DHX9: variants seen among roughly 807,000 people sequenced by gnomAD.
DHX9 encodes ATP-dependent RNA helicase A.
In DHX9, 27 loss-of-function variants were observed where a neutral mutation model predicts 148.7. That is an observed-to-expected ratio of 0.18 (90% CI 0.13 to 0.25). The LOEUF is 0.25. Among genes scored for constraint, DHX9 ranks in the 10% least tolerant of loss-of-function variants. The pLI is 1.00. For synonymous variants in DHX9, 529 were observed against 516.6 expected, an observed-to-expected ratio of 1.02 and a Z score of -0.33; for missense variants, 796 against 1,559.6, an observed-to-expected ratio of 0.51 and a Z score of 8.25.
At chr1:182,875,634 T>C (rs1215167331) in intron 16 of DHX9, among the ~76,000 whole-genome samples, 1 of 152,196 alleles carries the variant, frequency 6.6e-6, no homozygotes, top group Admixed American at 6.5e-5. Flanking sequence ...AATCAAAAGA[T>C]CTGAAGATGT....
intron 3 of DHX9, among the ~76,000 whole-genome samples, chr1:182,850,156 C>T (rs1668109047): frequency 6.6e-6 from 1 of 151,910 alleles, no homozygotes; most frequent in Non-Finnish European, 1.5e-5. Context: ...GAACCATATC[C>T]TTAAGTATTA....
chr1:182,887,156 A>G lies in DHX9; in HGVS notation c.3535A>G (p.Ser1179Gly). 2 of 1,614,184 alleles carry G rather than the reference A, an allele frequency of 1.2e-6. No individual in the cohort carries two copies. The highest frequency in any genetic ancestry group is 1.3e-5 in the African/African-American group (1 of 75,050). ...NGSGYRRGGS[S>G]YSGGGYGGGY... is the part of the protein sequence containing the mutation. ...AAGCGGATATAGAAGGGGAGGTTCT[A>G]GTTACAGTGGTGGAGGCTATGGCGG... The change falls in exon 28 of 28, where the codon AGT becomes GGT. Residue 1179 changes from serine to glycine, a missense_variant. Transcript: ENST00000367549.
At chr1:182,861,093 T>C (rs1435954981) in intron 12 of DHX9, among the ~76,000 whole-genome samples, 1 of 152,248 alleles carries the variant, frequency 6.6e-6, no homozygotes, top group Non-Finnish European at 1.5e-5. Context: ...TGAAACTTTT[T>C]AACATTTCTG....
At chr1:182,880,766 A>T (rs569082494) in intron 22 of DHX9, among the ~76,000 whole-genome samples, 158 bp downstream of exon 22, 1 of 152,282 alleles carries the variant, frequency 6.6e-6, no homozygotes, top group South Asian at 2.1e-4. Context: ...GTGTAACACT[A>T]AAAAAATGAA....
At chr1:182,852,404 A>G (rs1668170603) in intron 4 of DHX9, 60 bp downstream of exon 4, 1 of 1,219,582 alleles carries the variant, frequency 8.2e-7, no homozygotes, top group Non-Finnish European at 1.2e-6. Flanking sequence ...CTTGATCACC[A>G]TCTCTGTTTC....
At chr1:182,865,318 CTG>C (rs1246470623) in intron 12 of DHX9, among the ~76,000 whole-genome samples, 1 of 152,128 alleles carries the variant, frequency 6.6e-6, no homozygotes, top group Admixed American at 6.5e-5. Context: ...AGCACTGTGT[CTG>C]TATCTCATTT....
intron 13 of DHX9, 133 bp downstream of exon 13, chr1:182,866,718 A>T: frequency 8.5e-7 from 1 of 1,173,280 alleles, no homozygotes; most frequent in Non-Finnish European, 1.2e-6. Context: ...AACTTTTGGC[A>T]GTTTTTTCCT....
At chr1:182,847,357 G>C (rs1483169470) in intron 3 of DHX9, among the ~76,000 whole-genome samples, 2 of 152,168 alleles carry the variant, frequency 1.3e-5, no homozygotes, top group Admixed American at 6.6e-5. Context: ...AAAGAGCATT[G>C]ATTTGGTTTT....
chr1:182,854,478 C>A (rs529424923), intron 6 of DHX9, among the ~76,000 whole-genome samples: 1 of 152,120 alleles, frequency 6.6e-6, no homozygotes, highest in Admixed American at 6.5e-5. Flanking sequence ...GCTGGTTTGT[C>A]CCTAGTTGAT....
At chr1:182,846,700 C>A (rs1037063768) in intron 3 of DHX9, among the ~76,000 whole-genome samples, 11 of 152,114 alleles carry the variant, frequency 7.2e-5, no homozygotes, top group Non-Finnish European at 5.9e-5. Context: ...TGTGACCGGG[C>A]ATGGGTTTTT....
chr1:182,858,903 A>G lies in DHX9; in HGVS notation c.1062+9A>G. On this transcript the variant is annotated intron_variant, in intron 10 of 27. Transcript: ENST00000367549. ...AGGGGCCTCTGGCTTTTGTGAGTGCAATATTGTTTTTGAGATCAGAGTCTT... is the reference window on the plus strand; with the variant it reads ...AGGGGCCTCTGGCTTTTGTGAGTGCGATATTGTTTTTGAGATCAGAGTCTT... 1.9e-6 allele frequency: 3 copies of G among 1,613,766 alleles called. No individual in the cohort carries two copies. Among genetic ancestry groups the G allele is most frequent in the Non-Finnish European group, 2.5e-6 (3 of 1,179,880 alleles).
At chr1:182,845,791 A>G (rs1202178553) in intron 3 of DHX9, among the ~76,000 whole-genome samples, 1 of 152,192 alleles carries the variant, frequency 6.6e-6, no homozygotes, top group Non-Finnish European at 1.5e-5. Flanking sequence ...GAAAACCTAC[A>G]TTTACCAGTT....
intron 3 of DHX9, among the ~76,000 whole-genome samples, chr1:182,850,532 C>T (rs1318358592): frequency 1.3e-5 from 2 of 150,528 alleles, no homozygotes; most frequent in African/African-American, 4.9e-5. Flanking sequence ...CAGGTTGGGG[C>T]TGCAGTGATC....
At chr1:182,882,520 T>C (rs1402094590) in intron 24 of DHX9, among the ~76,000 whole-genome samples, 1 of 152,198 alleles carries the variant, frequency 6.6e-6, no homozygotes, top group Admixed American at 6.5e-5. Context: ...TTTGTGGTCC[T>C]ATCAGTCAAG....
Position 182,859,060 on chromosome 1 carries a change from C to T in DHX9, c.1083C>T (p.Ser361=), listed in dbSNP as rs1279999005. The change falls in exon 11 of 28, where the codon AGC becomes AGT. Residue 361 remains serine (S), a synonymous_variant. Coordinates refer to ENST00000367549, the MANE Select transcript of DHX9 (RefSeq NM_001357.5). ...TACAGGCTACTCCAGAGCAAATAAGCATGGACCTCAAGAATGAATTGATGT... is the reference window on the plus strand; with the variant it reads ...TACAGGCTACTCCAGAGCAAATAAGTATGGACCTCAAGAATGAATTGATGT... ...PLAFATPEQI[S]MDLKNELMYQ... is the part of the protein sequence containing the mutation. 1.2e-6 allele frequency: 2 copies of T among 1,614,092 alleles called. No homozygotes were observed. The highest frequency in any genetic ancestry group is 3.3e-5 in the Admixed American group (2 of 60,018).
chr1:182,856,169 G>C (rs1335783111), intron 6 of DHX9, among the ~76,000 whole-genome samples: 1 of 152,152 alleles, frequency 6.6e-6, no homozygotes, highest in Non-Finnish European at 1.5e-5. Flanking sequence ...TAAAACATTT[G>C]GGGCCTACTT....
chr1:182,856,675 T>C, intron 7 of DHX9, 97 bp downstream of exon 7: 1 of 1,022,530 alleles, frequency 9.8e-7, no homozygotes, highest in Non-Finnish European at 1.5e-6. Context: ...GCTGTATTAT[T>C]TGAAAGAGCA....
rs766805136 is a variant in DHX9, at chr1:182,874,918, G to A, written c.1779G>A (p.Lys593=). ...HFVPPPKDKK[K]KDKDDDGGED... Reference sequence around the variant, plus strand: ...TTCCTCCACCAAAAGACAAAAAGAAGAAGGATAAGGATGATGATGGTGGTG... The same window carrying A: ...TTCCTCCACCAAAAGACAAAAAGAAAAAGGATAAGGATGATGATGGTGGTG... Residue 593 remains lysine, a synonymous_variant, in exon 16 of 28, where the codon AAG becomes AAA. Transcript: ENST00000367549. 7 of 1,613,374 alleles carry A rather than the reference G, an allele frequency of 4.3e-6. No individual in the cohort carries two copies. Among genetic ancestry groups the A allele is most frequent in the Admixed American group, 1.7e-5 (1 of 60,012 alleles).
intron 10 of DHX9, 60 bp downstream of exon 10, chr1:182,858,954 G>C: frequency 6.2e-7 from 1 of 1,610,072 alleles, no homozygotes; most frequent in Non-Finnish European, 8.5e-7. Context: ...GACTATATTT[G>C]ATTAGTATGT....
Sources: allele counts gnomAD v4.1 joint callset (sites outside exome capture counted in the v4.1 genomes callset), GRCh38; gene constraint gnomAD v4.1.1; transcripts MANE v1.5; gene names NCBI Gene and HGNC (gene_info 2026-07-23, HGNC 2026-07-21).